The following SMC6 variants were observed in gnomAD, a reference collection of about 807,000 sequenced individuals.
SMC6 encodes the protein structural maintenance of chromosomes 6, also known as structural maintenance of chromosomes protein 6.
A neutral mutation model predicts 142.2 loss-of-function variants in SMC6; 79 were observed. The observed-to-expected ratio is 0.56, with a 90% CI of 0.46 to 0.67. The LOEUF is 0.67. SMC6 is among the 30% of genes least tolerant of loss of function. The probability of loss-of-function intolerance (pLI) is 0.00; values close to 1 mark genes in which losing one functional copy is unlikely to be tolerated. For synonymous variants in SMC6, 411 were observed against 412.4 expected (o/e 1.00, Z 0.04); for missense variants, 1,072 against 1,284.0 (o/e 0.83, Z 2.52).
chr2:17,750,628 CAGTT>C (rs1408766787), intron 2 of SMC6, among the ~76,000 whole-genome samples: 3 of 152,186 alleles, frequency 2.0e-5, no homozygotes, highest in African/African-American at 7.2e-5. Flanking sequence ...TGAAGTTTGA[CAGTT>C]AATTATTCAT....
intron 4 of SMC6, among the ~76,000 whole-genome samples, chr2:17,740,977 A>G (rs1670441939): frequency 6.6e-6 from 1 of 152,210 alleles, no homozygotes; most frequent in East Asian, 1.9e-4. Flanking sequence ...AAGATCCTCA[A>G]CAATATTGCC....
At chr2:17,751,398 T>G (rs963350556) in intron 2 of SMC6, among the ~76,000 whole-genome samples, 1 of 150,012 alleles carries the variant, frequency 6.7e-6, no homozygotes, top group African/African-American at 2.5e-5. Context: ...GAGAATCGCT[T>G]GAACCCGGGA....
chr2:17,688,133 G>A lies in SMC6; in HGVS notation c.2679-4370C>T, dbSNP rs151103795. The stretch of plus-strand genomic sequence containing the variant: ...CGTTTTTAATTCTGTTAACTGAAAG[G>A]TACTGGAAGAAATGCTACCCCAGCA... On this transcript the variant is annotated intron_variant, in intron 23 of 27. Transcript: ENST00000448223. Among the ~76,000 whole-genome samples, 715 of 152,054 alleles carry A rather than the reference G, an allele frequency of 4.7e-3. 8 individuals are homozygous for A. The highest frequency in any genetic ancestry group is 0.016 in the African/African-American group (670 of 41,480).
intron 23 of SMC6, among the ~76,000 whole-genome samples, chr2:17,691,515 C>G (rs1667726138): frequency 6.6e-6 from 1 of 151,730 alleles, no homozygotes; most frequent in African/African-American, 2.4e-5. Flanking sequence ...AATTCAACAA[C>G]ATTTCATGCT....
chr2:17,694,025 GAAT>G (rs1667873786), intron 23 of SMC6, among the ~76,000 whole-genome samples: 1 of 49,456 alleles, frequency 2.0e-5, no homozygotes, highest in Non-Finnish European at 4.1e-5. Flanking sequence ...AAAAAAAAAA[GAAT>G]GAAATCCTGT....
chr2:17,731,968 A>G, intron 5 of SMC6, 91 bp from the exon 6 acceptor site: 2 of 1,389,306 alleles, frequency 1.4e-6, no homozygotes, highest in East Asian at 2.4e-5. Flanking sequence ...CAAAACCACC[A>G]AATAATTTGG....
chr2:17,734,838 T>C (rs1165514893), intron 5 of SMC6, among the ~76,000 whole-genome samples: 1 of 152,088 alleles, frequency 6.6e-6, no homozygotes, highest in Non-Finnish European at 1.5e-5. Flanking sequence ...TTCAAATGAT[T>C]CTCCTGCCTC....
At position 17,701,726 on chromosome 2, in the gene SMC6, C is replaced by A. The variant is rs564707369; in HGVS notation, c.2223+103G>T. The A allele has an allele frequency of 7.2e-6, 5 of 692,904 alleles. No homozygotes were observed. The African/African-American group carries it at 9.3e-5, about 13-fold the overall frequency. 42.9% of individuals were successfully genotyped at this position (692,904 alleles called of 1,614,324 possible). On this transcript the variant is annotated intron_variant, in intron 20 of 27. Transcript: ENST00000448223. ...TGGAGACAGCAATCATAAAGAGTAG[C>A]TTCAATTAAAAGAACTTTCTAAAAA...
chr2:17,669,442 A>G (rs1558321682), intron 26 of SMC6, among the ~76,000 whole-genome samples: 1 of 152,140 alleles, frequency 6.6e-6, no homozygotes, highest in Non-Finnish European at 1.5e-5. Flanking sequence ...AGGGGGAAGT[A>G]GGATATGGAA....
At chr2:17,691,233 TACACACACAC>T (rs138226968) in intron 23 of SMC6, among the ~76,000 whole-genome samples, 1,318 of 123,254 alleles carry the variant, frequency 0.011, 10 homozygotes, top group Admixed American at 0.031. Context: ...AAAATGTGTA[TACACACACAC>T]ACACACACAC....
rs869289770 is a variant in SMC6, at chr2:17,673,553, TA to T, written c.2911-2979del. ...CAAACTTTGCTTACTGTTTATTATT[TA>T]AAAAAAAATTTTTTTTTTTAAATTT... On this transcript the variant is annotated intron_variant, in intron 25 of 27. Coordinates refer to ENST00000448223, the MANE Select transcript of SMC6 (RefSeq NM_001142286.2). Among the ~76,000 whole-genome samples, 121 of 150,848 alleles carry T rather than the reference TA, an allele frequency of 8.0e-4. 1 individual carries two copies. The highest frequency in any genetic ancestry group is 3.4e-3 in the Middle Eastern group (1 of 294).
chr2:17,700,195 C>G lies in SMC6; in HGVS notation c.2394+13G>C. On this transcript the variant is annotated intron_variant, in intron 21 of 27. Transcript: ENST00000448223. ...ATAAAATACATACGTAACACAGTACCAAAAATATATACCTTAAGTGGGTCT... is the reference window on the plus strand; with the variant it reads ...ATAAAATACATACGTAACACAGTACGAAAAATATATACCTTAAGTGGGTCT... 1 of 1,558,814 alleles carries G rather than the reference C, an allele frequency of 6.4e-7. No homozygotes were observed. Among genetic ancestry groups the G allele is most frequent in the Non-Finnish European group, 8.7e-7 (1 of 1,150,404 alleles).
intron 21 of SMC6, among the ~76,000 whole-genome samples, chr2:17,699,549 T>C (rs1668171078): frequency 6.6e-6 from 1 of 152,134 alleles, no homozygotes. Context: ...TGCCCTCTTT[T>C]CCTTCACTTT....
chr2:17,709,889 A>G (rs956912514), intron 16 of SMC6, among the ~76,000 whole-genome samples: 2 of 152,200 alleles, frequency 1.3e-5, no homozygotes, highest in Non-Finnish European at 2.9e-5. Context: ...CAAAGACCCT[A>G]AAAGGTGTGT....
chr2:17,696,480 G>A, intron 21 of SMC6, 54 bp from the exon 22 acceptor site: 1 of 1,544,238 alleles, frequency 6.5e-7, no homozygotes, highest in Non-Finnish European at 8.8e-7. Context: ...TCCAGCATAG[G>A]TATAAAGATA....
At chr2:17,739,351 A>AT (rs1670313145) in intron 4 of SMC6, among the ~76,000 whole-genome samples, 1 of 152,032 alleles carries the variant, frequency 6.6e-6, no homozygotes, top group South Asian at 2.1e-4. Context: ...AAAAAATAAA[A>AT]TTAAGCAGGC....
intron 4 of SMC6, among the ~76,000 whole-genome samples, chr2:17,740,364 C>T (rs898222828): frequency 2.6e-5 from 4 of 152,182 alleles, no homozygotes; most frequent in African/African-American, 9.7e-5. Flanking sequence ...AGCATTGTCA[C>T]CAGTTGGTAG....
chr2:17,741,335 C>T (rs777146188), intron 4 of SMC6, among the ~76,000 whole-genome samples: 8 of 152,166 alleles, frequency 5.3e-5, no homozygotes, highest in Non-Finnish European at 8.8e-5. Context: ...ATGAGGATCG[C>T]TTGTCTACCC....
At position 17,715,077 on chromosome 2, in the gene SMC6, A is replaced by T. The variant is rs772475528; in HGVS notation, c.1526-12T>A. On this transcript the variant is annotated splice_polypyrimidine_tract_variant and intron_variant, in intron 15 of 27. Transcript: ENST00000448223. ...ATGAATGCAAGCTCCTAAAAGTGAG[A>T]GAAAATTACAGAAGGGCTCATAAAT... is the stretch of plus-strand genomic sequence containing the variant. 1 of 1,609,308 alleles carries T rather than the reference A, an allele frequency of 6.2e-7. No homozygotes were observed. Among genetic ancestry groups the T allele is most frequent in the South Asian group, 1.1e-5 (1 of 90,080 alleles).
Sources: gnomAD v4.1 joint callset for allele counts (sites outside exome capture counted in the v4.1 genomes callset) on GRCh38, gnomAD v4.1.1 for gene constraint, MANE v1.5 for transcripts, NCBI Gene and HGNC (gene_info 2026-07-23, HGNC 2026-07-21) for gene names.